Variants in LINGO2 observed in about 807,000 individuals in gnomAD.
LINGO2 encodes the protein leucine-rich repeat and immunoglobulin-like domain-containing nogo receptor-interacting protein 2.
LINGO2 carries 14 observed loss-of-function variants against 30.6 expected under a neutral mutation model. The ratio of observed to expected loss-of-function variants is 0.46; its 90% CI spans 0.30 to 0.72. LINGO2 has a LOEUF of 0.72. Ranked by LOEUF, LINGO2 falls within the 30% of genes least tolerant of loss-of-function variation. The probability of loss-of-function intolerance (pLI) is 0.07; values close to 1 mark genes in which losing one functional copy is unlikely to be tolerated. For synonymous variants in LINGO2, 317 were observed against 288.5 expected, an observed-to-expected ratio of 1.10 and a Z score of -1.00; for missense variants, 729 against 751.7, an observed-to-expected ratio of 0.97 and a Z score of 0.35.
At chr9:27,998,395 G>GC in intron 5 of LINGO2, among the ~76,000 whole-genome samples, 1 of 152,284 alleles carries the variant, frequency 6.6e-6, no homozygotes, top group African/African-American at 2.4e-5. Flanking sequence ...TGCCTGACCA[G>GC]CCCTCAGCTG....
intron 2 of LINGO2, among the ~76,000 whole-genome samples, chr9:28,440,731 A>C (rs1359514507): frequency 6.6e-6 from 1 of 152,242 alleles, no homozygotes; most frequent in Non-Finnish European, 1.5e-5. Context: ...AAAAATAAAC[A>C]GAGATCACAT....
the LINGO2 span, among the ~76,000 whole-genome samples, chr9:29,170,801 T>C: frequency 5.9e-5 from 9 of 151,986 alleles, no homozygotes; most frequent in Admixed American, 5.9e-4. Context: ...ATGAAAACAA[T>C]ATAAAAACTC....
chr9:28,986,427 A>C, the LINGO2 span, among the ~76,000 whole-genome samples: 5 of 152,152 alleles, frequency 3.3e-5, no homozygotes, highest in South Asian at 1.0e-3. Flanking sequence ...ATGGAATTTC[A>C]ACAAAAACTA....
chr9:28,986,955 G>A, the LINGO2 span, among the ~76,000 whole-genome samples: 1 of 151,628 alleles, frequency 6.6e-6, no homozygotes, highest in African/African-American at 2.4e-5. Context: ...ATTATAACTG[G>A]AATTACTCTC....
chr9:27,965,670 T>C (rs1820066845), intron 5 of LINGO2, among the ~76,000 whole-genome samples: 1 of 152,170 alleles, frequency 6.6e-6, no homozygotes, highest in East Asian at 1.9e-4. Flanking sequence ...CTCTTTGGAA[T>C]GCAAATTATT....
chr9:28,062,961 A>T (rs879869144), intron 4 of LINGO2, among the ~76,000 whole-genome samples: 7 of 151,820 alleles, frequency 4.6e-5, no homozygotes, highest in Non-Finnish European at 7.4e-5. Flanking sequence ...TTATCCGAAC[A>T]TTTCATTTAC....
At chr9:28,755,523 A>G in the LINGO2 span, among the ~76,000 whole-genome samples, 7 of 152,124 alleles carry the variant, frequency 4.6e-5, no homozygotes. Context: ...TTATGTTTGT[A>G]TAAGTTGGCT....
At chr9:29,160,523 G>A in the LINGO2 span, among the ~76,000 whole-genome samples, 1 of 152,156 alleles carries the variant, frequency 6.6e-6, no homozygotes, top group Non-Finnish European at 1.5e-5. Context: ...CATAGTATTA[G>A]AGTATTAGAG....
intron 4 of LINGO2, among the ~76,000 whole-genome samples, chr9:28,201,102 G>C (rs1820215915): frequency 6.9e-6 from 1 of 144,056 alleles, no homozygotes; most frequent in African/African-American, 2.6e-5. Flanking sequence ...TATACTTTAA[G>C]TTTTAGGGTA....
the LINGO2 span, among the ~76,000 whole-genome samples, chr9:29,150,217 T>C: frequency 6.6e-6 from 1 of 152,046 alleles, no homozygotes; most frequent in Admixed American, 6.5e-5. Context: ...TAGCCACAAA[T>C]AAAGATCCTA....
chr9:28,389,622 T>C (rs76652055), intron 2 of LINGO2, among the ~76,000 whole-genome samples: 2 of 152,128 alleles, frequency 1.3e-5, no homozygotes, highest in Non-Finnish European at 2.9e-5. Flanking sequence ...CACTTAGTGT[T>C]GCATCACCCT....
intron 4 of LINGO2, among the ~76,000 whole-genome samples, chr9:28,082,516 T>C (rs972576599): frequency 3.3e-5 from 5 of 152,174 alleles, no homozygotes; most frequent in Non-Finnish European, 5.9e-5. Flanking sequence ...CTGTAAATTA[T>C]GGGTATAACA....
chr9:28,701,071 T>A, the LINGO2 span, among the ~76,000 whole-genome samples: 3 of 149,666 alleles, frequency 2.0e-5, no homozygotes, highest in Non-Finnish European at 4.4e-5. Context: ...TTATCAGCTA[T>A]TTTTTTTCAA....
At chr9:28,799,518 G>C in the LINGO2 span, among the ~76,000 whole-genome samples, 1 of 152,234 alleles carries the variant, frequency 6.6e-6, no homozygotes, top group Admixed American at 6.5e-5. Context: ...CCAATATTTG[G>C]TGATGAGTGA....
chr9:28,790,306 C>T, the LINGO2 span, among the ~76,000 whole-genome samples: 1 of 146,000 alleles, frequency 6.8e-6, no homozygotes, highest in Admixed American at 6.8e-5. Context: ...TTTTACTTTA[C>T]CCATCTTTTC....
the LINGO2 span, among the ~76,000 whole-genome samples, chr9:29,058,878 A>AT: frequency 6.6e-6 from 1 of 152,010 alleles, no homozygotes; most frequent in Non-Finnish European, 1.5e-5. Context: ...ACCTGAAAAA[A>AT]TTGACAAATT....
chr9:28,136,555 T>C (rs1273977112), intron 4 of LINGO2, among the ~76,000 whole-genome samples: 1 of 152,194 alleles, frequency 6.6e-6, no homozygotes, highest in African/African-American at 2.4e-5. Context: ...ATCAGCACTT[T>C]TTCTCTTTTT....
chr9:28,746,930 G>A, the LINGO2 span, among the ~76,000 whole-genome samples: 3,901 of 152,036 alleles, frequency 0.026, 204 homozygotes, highest in African/African-American at 0.087. Context: ...TTATAATGAG[G>A]ATAAACTGAA....
At chr9:28,606,416 T>A (rs899163833) in intron 1 of LINGO2, among the ~76,000 whole-genome samples, 2 of 152,144 alleles carry the variant, frequency 1.3e-5, no homozygotes, top group Non-Finnish European at 1.5e-5. Context: ...TAAATGACTT[T>A]ACTGGAGAGA....
Sources: gnomAD v4.1 joint callset for allele counts (sites outside exome capture counted in the v4.1 genomes callset) on GRCh38, gnomAD v4.1.1 for gene constraint, MANE v1.5 for transcripts, NCBI Gene and HGNC (gene_info 2026-07-23, HGNC 2026-07-21) for gene names.